SLC25A28: variants seen among roughly 807,000 people sequenced by gnomAD.
SLC25A28 encodes the protein mitoferrin-2.
Under a neutral mutation model 31.9 loss-of-function variants are expected in SLC25A28, and 10 were observed. That is an observed-to-expected ratio of 0.31 (90% CI 0.19 to 0.53). The LOEUF (loss-of-function observed/expected upper bound fraction) is 0.53, where lower values mean the gene tolerates loss of function less well. Ranked by LOEUF, SLC25A28 falls within the 20% of genes least tolerant of loss-of-function variation. The pLI, the probability that SLC25A28 is intolerant of heterozygous loss-of-function variation, is 0.95. For synonymous variants in SLC25A28, 208 were observed against 203.6 expected, an observed-to-expected ratio of 1.02 and a Z score of -0.19; for missense variants, 256 against 490.3, an observed-to-expected ratio of 0.52 and a Z score of 4.51.
chr10:99,615,619 C>T (rs1258016865), intron 1 of SLC25A28: 1 of 985,304 alleles, frequency 1.0e-6, no homozygotes, highest in Non-Finnish European at 1.2e-6. Flanking sequence ...TTCTTTCCTA[C>T]TTCCCCCCAC....
At chr10:99,641,856 T>G in the SLC25A28 span, among the ~76,000 whole-genome samples, 1 of 152,258 alleles carries the variant, frequency 6.6e-6, no homozygotes, top group Non-Finnish European at 1.5e-5. Context: ...TTGTCAGGTT[T>G]GTCAAAGATC....
At chr10:99,658,825 C>A in the SLC25A28 span, among the ~76,000 whole-genome samples, 2 of 152,110 alleles carry the variant, frequency 1.3e-5, no homozygotes, top group Non-Finnish European at 2.9e-5. Context: ...ACACACACAC[C>A]CACGCGCGCG....
chr10:99,651,817 G>A, the SLC25A28 span, among the ~76,000 whole-genome samples: 64 of 151,902 alleles, frequency 4.2e-4, 2 homozygotes, highest in East Asian at 0.012. Context: ...CAGGCTGGCC[G>A]TGAACTCCTC....
chr10:99,635,020 C>T, the SLC25A28 span, among the ~76,000 whole-genome samples: 4 of 152,080 alleles, frequency 2.6e-5, no homozygotes, highest in African/African-American at 9.7e-5. Flanking sequence ...AATTATCAGC[C>T]AAAAAATTTT....
chr10:99,631,896 T>TA, the SLC25A28 span, among the ~76,000 whole-genome samples: 1 of 114,698 alleles, frequency 8.7e-6, no homozygotes, highest in Non-Finnish European at 1.8e-5. Context: ...TTTTTATTTT[T>TA]TTTTTTTTTT....
the SLC25A28 span, among the ~76,000 whole-genome samples, chr10:99,638,820 A>G: frequency 6.6e-6 from 1 of 152,200 alleles, no homozygotes; most frequent in African/African-American, 2.4e-5. Context: ...ATCAGGGAAC[A>G]CTTCTACACT....
the SLC25A28 span, among the ~76,000 whole-genome samples, chr10:99,632,352 T>C: frequency 2.0e-4 from 31 of 152,192 alleles, no homozygotes; most frequent in African/African-American, 6.5e-4. Flanking sequence ...GACTTGAGCA[T>C]CTGCAGATTT....
chr10:99,655,473 A>G, the SLC25A28 span, among the ~76,000 whole-genome samples: 2 of 152,186 alleles, frequency 1.3e-5, no homozygotes, highest in Non-Finnish European at 2.9e-5. Flanking sequence ...CTTCCACTCA[A>G]AAACACCTTG....
chr10:99,620,878 G>A (rs1302565064), upstream of SLC25A28: 1 of 985,484 alleles, frequency 1.0e-6, no homozygotes, highest in East Asian at 1.1e-4. Flanking sequence ...CCCTGTGCGC[G>A]GGATCGCGTC....
At chr10:99,646,631 C>T in the SLC25A28 span, among the ~76,000 whole-genome samples, 482 of 152,316 alleles carry the variant, frequency 3.2e-3, 4 homozygotes, top group African/African-American at 0.011. Context: ...CAGTCTTCTG[C>T]GTCACTCACG....
At chr10:99,656,391 C>T in the SLC25A28 span, among the ~76,000 whole-genome samples, 1 of 152,200 alleles carries the variant, frequency 6.6e-6, no homozygotes, top group Non-Finnish European at 1.5e-5. Context: ...GGATGACTCC[C>T]ATACAGGTTC....
In SLC25A28 at chr10:99,611,555, G is replaced by T. The variant is rs2034525038; in HGVS notation, c.578-189C>A. Among the ~76,000 whole-genome samples the T allele has an allele frequency of 6.6e-6, 1 of 152,028 alleles. No individual in the cohort carries two copies. The highest frequency in any genetic ancestry group is 2.4e-5 in the African/African-American group (1 of 41,402). On this transcript the variant is annotated intron_variant, in intron 3 of 3. Transcript: ENST00000370495. The surrounding 1 kb of genome is among the most constrained non-coding windows in gnomAD (Gnocchi z 5.5). ...GAGGGGAAGGAGTAAGCAGAGGGTT[G>T]GTAACGAGTCAAAAAACAATAAACC...
the SLC25A28 span, among the ~76,000 whole-genome samples, chr10:99,627,625 A>G: frequency 6.6e-5 from 10 of 152,024 alleles, no homozygotes; most frequent in African/African-American, 2.4e-4. Flanking sequence ...GAATTTTAGT[A>G]GAGACAAGGT....
the SLC25A28 span, among the ~76,000 whole-genome samples, chr10:99,637,774 AAC>A: frequency 1.3e-5 from 2 of 152,180 alleles, no homozygotes; most frequent in African/African-American, 4.8e-5. Context: ...AAAACTACAA[AAC>A]ACTGCTGAAA....
At chr10:99,631,878 A>ATTTTTTTGTTTTTT in the SLC25A28 span, among the ~76,000 whole-genome samples, 2 of 92,904 alleles carry the variant, frequency 2.2e-5, no homozygotes, top group Non-Finnish European at 2.0e-5. Flanking sequence ...TCAGTATGTT[A>ATTTTTTTGTTTTTT]TTTTTTTTTT....
the SLC25A28 span, among the ~76,000 whole-genome samples, chr10:99,631,315 C>A: frequency 6.6e-6 from 1 of 152,130 alleles, no homozygotes; most frequent in African/African-American, 2.4e-5. Context: ...GGCTATTATT[C>A]ATATTTTATA....
the SLC25A28 span, among the ~76,000 whole-genome samples, chr10:99,631,878 A>ATTTTTTTTGTTTTTTTT: frequency 1.1e-5 from 1 of 92,904 alleles, no homozygotes; most frequent in African/African-American, 4.1e-5. Flanking sequence ...TCAGTATGTT[A>ATTTTTTTTGTTTTTTTT]TTTTTTTTTT....
chr10:99,624,923 A>C (rs2034855680), upstream of SLC25A28, among the ~76,000 whole-genome samples: 1 of 152,132 alleles, frequency 6.6e-6, no homozygotes, highest in Non-Finnish European at 1.5e-5. Context: ...CTCAGGTACT[A>C]TAGTCATGTT....
intron 1 of SLC25A28, chr10:99,618,363 G>A (rs2034705465): frequency 2.0e-6 from 2 of 985,264 alleles, no homozygotes; most frequent in Non-Finnish European, 2.4e-6. Flanking sequence ...AATTTTCACT[G>A]TTTTCATTGA....
Sources: gnomAD v4.1 joint callset for allele counts (sites outside exome capture counted in the v4.1 genomes callset) on GRCh38, gnomAD v4.1.1 for gene constraint, Gnocchi (gnomAD v3.1) non-coding constraint, MANE v1.5 for transcripts, NCBI Gene and HGNC (gene_info 2026-07-23, HGNC 2026-07-21) for gene names.